CASK: variants seen among roughly 807,000 people sequenced by gnomAD.
CASK encodes peripheral plasma membrane protein CASK.
A neutral mutation model predicts 82.9 loss-of-function variants in CASK; 4 were observed. That is an observed-to-expected ratio of 0.05 (90% CI 0.02 to 0.11). The LOEUF is 0.11. CASK is among the 10% of genes least tolerant of loss of function. CASK has a pLI of 1.00. For missense variants in CASK, 358 were observed against 720.9 expected (o/e 0.50, Z 5.76); for synonymous variants, 259 against 253.5 (o/e 1.02, Z -0.20).
At chrX:41,721,983 C>T (rs2068176704) in intron 5 of CASK, among the ~76,000 whole-genome samples, 1 of 112,053 alleles carries the variant, frequency 8.9e-6, no homozygotes, top group Admixed American at 9.5e-5. Context: ...TTCCAGAGAC[C>T]CTCAATTAGC....
intron 1 of CASK, among the ~76,000 whole-genome samples, chrX:41,873,785 C>CTTTT (rs781735208): frequency 3.4e-5 from 3 of 88,592 alleles, no homozygotes; most frequent in Admixed American, 1.2e-4. Flanking sequence ...TTTGTTGTTC[C>CTTTT]TTTTTTTTTT....
At chrX:41,689,792 A>G (rs1216422859) in intron 5 of CASK, 1 of 112,225 alleles carries the variant, frequency 8.9e-6, no homozygotes, top group Non-Finnish European at 1.9e-5. Flanking sequence ...GTCATTATCA[A>G]GTCAAACTAA....
At chrX:41,676,717 G>A (rs931704532) in intron 5 of CASK, among the ~76,000 whole-genome samples, 4 of 112,590 alleles carry the variant, frequency 3.6e-5, no homozygotes, top group African/African-American at 1.3e-4. Context: ...TGAGGAGATT[G>A]TGAAGAAACA....
At chrX:41,849,079 T>C (rs1242750926) in intron 2 of CASK, among the ~76,000 whole-genome samples, 1 of 111,593 alleles carries the variant, frequency 9.0e-6, no homozygotes, top group Non-Finnish European at 1.9e-5. Context: ...TCTGGGACTT[T>C]AGAATGAGAC....
rs762257990 is a variant in CASK, at chrX:41,846,246, G to C, written c.172+6869C>G. Among the ~76,000 whole-genome samples the C allele has an allele frequency of 1.3e-4, 15 of 111,643 alleles. No individual in the cohort carries two copies. The South Asian group carries it at 5.3e-3, about 39-fold the overall frequency. On this transcript the variant is annotated intron_variant, in intron 2 of 26. Coordinates refer to ENST00000378163, the MANE Select transcript of CASK (RefSeq NM_001367721.1). The stretch of plus-strand genomic sequence containing the variant: ...ACAATGGGGTACTATTCAGTCATAA[G>C]GAAGAATGAGATCCTGTCATTTGCA...
At chrX:41,716,973 C>G (rs986174075) in intron 5 of CASK, among the ~76,000 whole-genome samples, 1 of 111,141 alleles carries the variant, frequency 9.0e-6, no homozygotes, top group Admixed American at 9.6e-5. Context: ...ACAACCTTCC[C>G]GCCAGTCTAT....
At chrX:41,579,955 C>T (rs1448673567) in intron 14 of CASK, among the ~76,000 whole-genome samples, 1 of 111,604 alleles carries the variant, frequency 9.0e-6, no homozygotes, top group African/African-American at 3.3e-5. Context: ...TTTTCACAAT[C>T]TCAGAAGGCT....
chrX:41,573,688 C>T (rs1411460786), intron 15 of CASK, among the ~76,000 whole-genome samples: 1 of 111,878 alleles, frequency 8.9e-6, no homozygotes, highest in Non-Finnish European at 1.9e-5. Flanking sequence ...ATAGGTCACA[C>T]TTTCTGGTCT....
At chrX:41,611,001 C>T (rs1000225713) in intron 11 of CASK, among the ~76,000 whole-genome samples, 2 of 111,651 alleles carry the variant, frequency 1.8e-5, no homozygotes, top group African/African-American at 6.5e-5. Context: ...TGGTTCTCAA[C>T]CAGGGGCAAT....
chrX:41,660,085 A>G (rs111679608), intron 8 of CASK: 2 of 285,106 alleles, frequency 7.0e-6, no homozygotes, highest in African/African-American at 5.5e-5. Flanking sequence ...TATAAAGCAC[A>G]CAGTCACACC....
rs138225397 is a variant in CASK, at chrX:41,531,773, A to G, written c.2318-564T>C. Reference sequence around the variant, plus strand: ...AAGTTCTATTGAAAAGTGATGTTCTATAACATCTTGCAAAAGGAGAATGTT... The same window carrying G: ...AAGTTCTATTGAAAAGTGATGTTCTGTAACATCTTGCAAAAGGAGAATGTT... On this transcript the variant is annotated intron_variant, in intron 24 of 26. Coordinates refer to ENST00000378163, the MANE Select transcript of CASK (RefSeq NM_001367721.1). 4.5e-3 allele frequency among the ~76,000 whole-genome samples: 508 copies of G among 111,943 alleles called. 4 individuals are homozygous for G. The highest frequency in any genetic ancestry group is 0.016 in the African/African-American group (488 of 30,839).
intron 4 of CASK, among the ~76,000 whole-genome samples, chrX:41,741,778 A>G: frequency 8.9e-6 from 1 of 112,399 alleles, no homozygotes; most frequent in Middle Eastern, 4.6e-3. Context: ...AGAATAAAAC[A>G]AGAACTAAAA....
intron 5 of CASK, chrX:41,727,643 G>C: frequency 8.3e-7 from 1 of 1,209,565 alleles, no homozygotes; most frequent in Non-Finnish European, 1.1e-6. Flanking sequence ...GGTCTCATTG[G>C]AACCACATTT....
intron 15 of CASK, among the ~76,000 whole-genome samples, chrX:41,573,480 G>A (rs907767662): frequency 5.4e-5 from 6 of 110,427 alleles, no homozygotes; most frequent in African/African-American, 1.6e-4. Flanking sequence ...GTTGTCCCAC[G>A]GCTCAGTGAT....
In CASK at chrX:41,517,764, T is replaced by TAGCAGCAGC. The variant is rs1309227952; in HGVS notation, c.*2655_*2656insGCTGCTGCT. 1.2e-5 allele frequency: 9 copies of TAGCAGCAGC among 733,549 alleles called. No individual in the cohort carries two copies. Among genetic ancestry groups the TAGCAGCAGC allele is most frequent in the African/African-American group, 4.7e-5 (2 of 42,619 alleles). The allele number at this position is 733,549 out of a possible 1,213,427, so 60.5% of individuals were successfully genotyped here. On this transcript the variant is annotated 3_prime_UTR_variant, in exon 27 of 27. Transcript: ENST00000378163. ...GATTGCTTAGTGGACAATTGTAATG[T>TAGCAGCAGC]AGCAGTAGCAGCAGCAGCAGCAGCA...
At chrX:41,660,657 A>G in intron 7 of CASK, 96 bp from the exon 8 acceptor site, 1 of 897,658 alleles carries the variant, frequency 1.1e-6, no homozygotes, top group Non-Finnish European at 1.6e-6. Flanking sequence ...ATGTGAATAA[A>G]ATTCTGAGAG....
At chrX:41,762,857 G>T (rs1215011553) in intron 3 of CASK, among the ~76,000 whole-genome samples, 1 of 111,243 alleles carries the variant, frequency 9.0e-6, no homozygotes, top group Non-Finnish European at 1.9e-5. Context: ...CTCTTTGCCT[G>T]CCTGTAATGC....
At position 41,558,027 on chromosome X, in the gene CASK, G is replaced by A. The variant is rs929976455; in HGVS notation, c.1738-927C>T. 3.6e-5 allele frequency among the ~76,000 whole-genome samples: 4 copies of A among 111,386 alleles called. No individual in the cohort carries two copies. The Admixed American group carries it at 3.8e-4, about 11-fold the overall frequency. ...AAAGGTAATGAGATCCCTTAGAAGA[G>A]CATTCTCATATGTTAGTGAGCAAGA... On this transcript the variant is annotated intron_variant, in intron 18 of 26. Coordinates refer to ENST00000378163, the MANE Select transcript of CASK (RefSeq NM_001367721.1).
intron 5 of CASK, among the ~76,000 whole-genome samples, chrX:41,714,216 G>T (rs1219734802): frequency 9.0e-6 from 1 of 111,601 alleles, no homozygotes; most frequent in African/African-American, 3.3e-5. Flanking sequence ...TTTATGTAAA[G>T]AAGTTATGTC....
Sources: gnomAD v4.1 joint callset for allele counts (sites outside exome capture counted in the v4.1 genomes callset) on GRCh38, gnomAD v4.1.1 for gene constraint, MANE v1.5 for transcripts, NCBI Gene and HGNC (gene_info 2026-07-23, HGNC 2026-07-21) for gene names.